Variants in PDSS2 observed in about 807,000 individuals in gnomAD.
PDSS2 encodes the protein all trans-polyprenyl-diphosphate synthase PDSS2.
Under a neutral mutation model 44.5 loss-of-function variants are expected in PDSS2, and 31 were observed. The ratio of observed to expected loss-of-function variants is 0.70; its 90% CI spans 0.52 to 0.94. The LOEUF (loss-of-function observed/expected upper bound fraction) is 0.94, where lower values mean the gene tolerates loss of function less well. PDSS2 is among the 40% of genes least tolerant of loss of function. The pLI is 0.00. For missense variants in PDSS2, 452 were observed against 482.2 expected, an observed-to-expected ratio of 0.94 and a Z score of 0.59; for synonymous variants, 157 against 180.3, an observed-to-expected ratio of 0.87 and a Z score of 1.03.
chr6:107,419,728 C>T (rs920618004), intron 1 of PDSS2, among the ~76,000 whole-genome samples: 1 of 152,076 alleles, frequency 6.6e-6, no homozygotes, highest in Admixed American at 6.5e-5. Context: ...TGTTTGTGAG[C>T]AAATGTATAA....
At chr6:107,283,050 G>A (rs1776021438) in intron 2 of PDSS2, among the ~76,000 whole-genome samples, 1 of 151,876 alleles carries the variant, frequency 6.6e-6, no homozygotes, top group South Asian at 2.1e-4. Context: ...TGGGTGTGGT[G>A]GCTCACACTT....
At position 107,459,098 on chromosome 6, in the gene PDSS2, G is replaced by GGGTA; in HGVS notation, c.184_187dup (p.Pro63LeufsTer43). 6.2e-7 allele frequency: 1 copy of GGGTA among 1,614,100 alleles called. No individual in the cohort carries two copies. Among genetic ancestry groups the GGGTA allele is most frequent in the Non-Finnish European group, 8.5e-7 (1 of 1,180,020 alleles). ...GCAGCGAAGGCTCATGAAGGACGTG[G>GGGTA]GGTACCCCACGATCTTCTCCGCCTC... is the stretch of plus-strand genomic sequence containing the variant. On this transcript the variant is annotated frameshift_variant, in exon 1 of 8. Transcript: ENST00000369037. LOFTEE classifies it high-confidence loss of function. This position sits in a 1 kb window ranked among gnomAD's most constrained non-coding sequence, Gnocchi z 4.3.
intron 1 of PDSS2, among the ~76,000 whole-genome samples, chr6:107,375,563 A>T (rs1779261510): frequency 6.6e-6 from 1 of 152,254 alleles, no homozygotes; most frequent in Non-Finnish European, 1.5e-5. Flanking sequence ...TTCAGCCCAG[A>T]TGTCTTCACT....
At chr6:107,282,850 C>T (rs976733280) in intron 2 of PDSS2, among the ~76,000 whole-genome samples, 4 of 127,004 alleles carry the variant, frequency 3.1e-5, no homozygotes, top group Non-Finnish European at 4.9e-5. Flanking sequence ...GCCTGGGCAA[C>T]AGAACAAGAC....
intron 1 of PDSS2, among the ~76,000 whole-genome samples, chr6:107,361,869 A>C (rs926760277): frequency 6.6e-6 from 1 of 152,246 alleles, no homozygotes; most frequent in Non-Finnish European, 1.5e-5. Context: ...CCTTGCCAGC[A>C]GCTGCTCTCA....
rs985910273 is a variant in PDSS2 at position 107,409,375 on chromosome 6, GCCTA to G, written c.296+49611_296+49614del. Among the ~76,000 whole-genome samples, 7 of 151,928 alleles carry G rather than the reference GCCTA, an allele frequency of 4.6e-5. No individual in the cohort carries two copies. The South Asian group carries it at 1.0e-3, about 23-fold the overall frequency. ...CAATCGAAAATCTCTGTTTGAAACT[GCCTA>G]CCTACTTGATTTTTTTTTTAATTAG... On this transcript the variant is annotated intron_variant, in intron 1 of 7. Transcript: ENST00000369037.
intron 1 of PDSS2, among the ~76,000 whole-genome samples, chr6:107,438,591 G>C (rs1781426254): frequency 6.6e-6 from 1 of 152,122 alleles, no homozygotes; most frequent in Non-Finnish European, 1.5e-5. Context: ...ACAGTAGAGA[G>C]TCAGGAACTC....
intron 1 of PDSS2, among the ~76,000 whole-genome samples, chr6:107,433,430 A>G (rs1781255409): frequency 6.6e-6 from 1 of 152,194 alleles, no homozygotes; most frequent in South Asian, 2.1e-4. Context: ...ACATTAACCA[A>G]TGGAACAGAA....
chr6:107,199,337 T>A (rs1772689086), intron 6 of PDSS2, among the ~76,000 whole-genome samples: 1 of 152,348 alleles, frequency 6.6e-6, no homozygotes. Flanking sequence ...TTACTCTGTC[T>A]GTCACCCAGG....
Position 107,173,572 on chromosome 6 carries a change from C to CAAAAAAAAAAAAAAAAAAAAAA in PDSS2, c.1042-18817_1042-18796dup, listed in dbSNP as rs71012783. 9.6e-5 allele frequency among the ~76,000 whole-genome samples: 4 copies of CAAAAAAAAAAAAAAAAAAAAAA among 41,512 alleles called. 1 individual carries two copies. Among genetic ancestry groups the CAAAAAAAAAAAAAAAAAAAAAA allele is most frequent in the Admixed American group, 9.3e-4 (2 of 2,160 alleles). 27.2% of individuals were successfully genotyped at this position (41,512 alleles called of 152,430 possible). ...CTGGTGATGGAATGAGACTCTGTCT[C>CAAAAAAAAAAAAAAAAAAAAAA]AAAAAAAAAAAAAAAAAAAAAAAAA... is the stretch of plus-strand genomic sequence containing the variant. On this transcript the variant is annotated intron_variant, in intron 7 of 7. Transcript: ENST00000369037.
intron 2 of PDSS2, among the ~76,000 whole-genome samples, chr6:107,296,966 A>G (rs1776528930): frequency 6.6e-6 from 1 of 152,242 alleles, no homozygotes; most frequent in Non-Finnish European, 1.5e-5. Flanking sequence ...AGAGAAGTGG[A>G]AATCCCAAGA....
At chr6:107,337,249 G>A (rs977645881) in intron 1 of PDSS2, among the ~76,000 whole-genome samples, 1 of 152,162 alleles carries the variant, frequency 6.6e-6, no homozygotes, top group African/African-American at 2.4e-5. Context: ...GGCACAGAGA[G>A]AAATCAAGTA....
chr6:107,455,524 G>T (rs780410593), intron 1 of PDSS2, among the ~76,000 whole-genome samples: 3 of 151,904 alleles, frequency 2.0e-5, no homozygotes, highest in Non-Finnish European at 4.4e-5. Flanking sequence ...GGGAGGCGGA[G>T]GTGGGCAGAT....
intron 1 of PDSS2, among the ~76,000 whole-genome samples, chr6:107,413,184 C>A (rs962617981): frequency 1.3e-5 from 2 of 152,166 alleles, no homozygotes; most frequent in Non-Finnish European, 2.9e-5. Context: ...AGGATCACTT[C>A]AATTTGTAAA....
At chr6:107,395,960 G>A (rs755940162) in intron 1 of PDSS2, among the ~76,000 whole-genome samples, 27 of 152,144 alleles carry the variant, frequency 1.8e-4, no homozygotes, top group Non-Finnish European at 3.7e-4. Context: ...TGGTGGCTTA[G>A]ACTAGTCTTT....
intron 2 of PDSS2, among the ~76,000 whole-genome samples, chr6:107,301,667 T>A (rs1776698576): frequency 6.6e-6 from 1 of 151,946 alleles, no homozygotes; most frequent in Non-Finnish European, 1.5e-5. Context: ...AATGAAAATT[T>A]AAAAAAATAG....
At chr6:107,417,489 T>C (rs907258847) in intron 1 of PDSS2, among the ~76,000 whole-genome samples, 2 of 152,192 alleles carry the variant, frequency 1.3e-5, no homozygotes, top group African/African-American at 4.8e-5. Context: ...CCAGGTACAG[T>C]GACTCACGCC....
intron 2 of PDSS2, among the ~76,000 whole-genome samples, chr6:107,308,808 A>G (rs1776943082): frequency 1.3e-5 from 2 of 152,236 alleles, no homozygotes; most frequent in Non-Finnish European, 2.9e-5. Flanking sequence ...GCTGATCCCA[A>G]CAGGGCTCAC....
chr6:107,336,573 T>C (rs781238367), intron 1 of PDSS2, among the ~76,000 whole-genome samples: 16 of 152,176 alleles, frequency 1.1e-4, no homozygotes, highest in South Asian at 2.1e-4. Flanking sequence ...TACTGTCATG[T>C]AACAATCTGC....
Sources: allele counts gnomAD v4.1 joint callset (sites outside exome capture counted in the v4.1 genomes callset), GRCh38; gene constraint gnomAD v4.1.1; non-coding constraint Gnocchi (gnomAD v3.1); transcripts MANE v1.5; gene names NCBI Gene and HGNC (gene_info 2026-07-23, HGNC 2026-07-21).